Variants in SERGEF observed in about 807,000 individuals in gnomAD.
SERGEF encodes secretion-regulating guanine nucleotide exchange factor.
A neutral mutation model predicts 50.0 loss-of-function variants in SERGEF; 51 were observed. The observed-to-expected ratio is 1.02, with a 90% CI of 0.81 to 1.29. The LOEUF (loss-of-function observed/expected upper bound fraction) is 1.29. SERGEF is among the 50% of genes most tolerant of loss of function. SERGEF has a pLI of 0.00. For synonymous variants in SERGEF, 205 were observed against 212.4 expected, an observed-to-expected ratio of 0.97 and a Z score of 0.30; for missense variants, 521 against 557.0, an observed-to-expected ratio of 0.94 and a Z score of 0.65.
intron 8 of SERGEF, among the ~76,000 whole-genome samples, chr11:17,965,296 G>T (rs1265497058): frequency 2.0e-5 from 3 of 152,180 alleles, no homozygotes; most frequent in South Asian, 2.1e-4. Context: ...TGTCATGATT[G>T]TAAGTTTCCT....
intron 10 of SERGEF, among the ~76,000 whole-genome samples, chr11:17,798,926 G>A (rs1306692996): frequency 2.0e-5 from 3 of 152,230 alleles, no homozygotes; most frequent in Non-Finnish European, 4.4e-5. Context: ...GTACAAGAGT[G>A]AGGCTGTGGA....
chr11:17,960,462 G>C (rs548909599), intron 8 of SERGEF, among the ~76,000 whole-genome samples: 1 of 152,272 alleles, frequency 6.6e-6, no homozygotes, highest in South Asian at 2.1e-4. Context: ...AATCTGATGA[G>C]CCATAGATTA....
intron 8 of SERGEF, among the ~76,000 whole-genome samples, chr11:17,975,631 C>T (rs573705915): frequency 2.0e-5 from 3 of 152,224 alleles, no homozygotes; most frequent in South Asian, 2.1e-4. Flanking sequence ...TCAGCCACAG[C>T]GATGAGTAGA....
intron 9 of SERGEF, among the ~76,000 whole-genome samples, chr11:17,929,925 G>A (rs1401165): frequency 0.34 from 51,639 of 152,078 alleles, 9,707 homozygotes; most frequent in East Asian, 0.49. Flanking sequence ...CCATGTGAGC[G>A]GGGACTGCCT....
Position 17,959,480 on chromosome 11 carries a change from C to T in SERGEF, c.1001G>A (p.Gly334Glu), listed in dbSNP as rs779909675. 1.2e-6 allele frequency: 2 copies of T among 1,612,626 alleles called. No homozygotes were observed. Among genetic ancestry groups the T allele is most frequent in the Non-Finnish European group, 1.7e-6 (2 of 1,179,594 alleles). ...GAAGTCACTTCCTACCTCAGTTGCT[C>T]CAGTTAAGCAATGCGGAGACGAAGG... The part of the protein sequence containing the change: ...SMPSSPHCLT[G>E]ATEVSCGSEH... The change falls in exon 9 of 11, where the codon GGA becomes GAA. Residue 334 changes from glycine (G) to glutamate (E), a missense_variant. By Grantham distance (98) the Gly-to-Glu change is moderately conservative. Coordinates refer to ENST00000265965, the MANE Select transcript of SERGEF (RefSeq NM_012139.4).
chr11:18,010,149 GA>G, intron 1 of SERGEF: 1 of 1,175,790 alleles, frequency 8.5e-7, no homozygotes, highest in Non-Finnish European at 1.1e-6. Flanking sequence ...CCTGAATGAG[GA>G]AAGGTGATGT....
At chr11:18,001,966 C>T (rs1174901111) in intron 4 of SERGEF, 2 of 456,128 alleles carry the variant, frequency 4.4e-6, no homozygotes, top group Non-Finnish European at 8.8e-6. Context: ...AGGGCCTAAG[C>T]ACCAAATCCA....
At chr11:17,974,352 C>T (rs1853322996) in intron 8 of SERGEF, among the ~76,000 whole-genome samples, 1 of 152,148 alleles carries the variant, frequency 6.6e-6, no homozygotes, top group Non-Finnish European at 1.5e-5. Context: ...CAGTTACCAC[C>T]CAAGCTACAG....
intron 10 of SERGEF, among the ~76,000 whole-genome samples, 199 bp from the exon 11 acceptor site, chr11:17,788,612 T>C (rs573397431): frequency 5.3e-5 from 8 of 152,294 alleles, no homozygotes; most frequent in African/African-American, 1.7e-4. Flanking sequence ...CCCTGAGGCA[T>C]GCTTCCCATT....
chr11:18,000,157 C>T (rs766793317), intron 5 of SERGEF, among the ~76,000 whole-genome samples: 26 of 152,070 alleles, frequency 1.7e-4, no homozygotes, highest in Non-Finnish European at 3.2e-4. Context: ...TTTTAAAAGG[C>T]GGAGGGCAGG....
At chr11:17,974,587 A>G (rs938336015) in intron 8 of SERGEF, among the ~76,000 whole-genome samples, 1 of 152,170 alleles carries the variant, frequency 6.6e-6, no homozygotes, top group African/African-American at 2.4e-5. Context: ...AGTCTCTCAT[A>G]AAAGGGCTCA....
At chr11:17,886,287 G>A (rs2133905874) in intron 9 of SERGEF, among the ~76,000 whole-genome samples, 1 of 152,178 alleles carries the variant, frequency 6.6e-6, no homozygotes. Flanking sequence ...GAGACTATAA[G>A]CATTAGCAAC....
intron 9 of SERGEF, among the ~76,000 whole-genome samples, chr11:17,929,979 A>G (rs890034204): frequency 3.9e-5 from 6 of 152,208 alleles, no homozygotes; most frequent in African/African-American, 7.2e-5. Context: ...AGGATTCGAT[A>G]CATATTCACT....
At chr11:17,825,222 T>C (rs1193838876) in intron 10 of SERGEF, among the ~76,000 whole-genome samples, 3 of 152,236 alleles carry the variant, frequency 2.0e-5, no homozygotes, top group East Asian at 1.9e-4. Flanking sequence ...TAGGGGCTTA[T>C]AGTTTTTATT....
chr11:17,930,679 G>A (rs1417802954), intron 9 of SERGEF, among the ~76,000 whole-genome samples: 3 of 152,196 alleles, frequency 2.0e-5, no homozygotes, highest in East Asian at 3.8e-4. Context: ...AGGCAACACA[G>A]CACAACAGGA....
At chr11:17,790,285 T>A (rs144132902) in intron 10 of SERGEF, among the ~76,000 whole-genome samples, 195 of 152,376 alleles carry the variant, frequency 1.3e-3, no homozygotes, top group African/African-American at 4.3e-3. Flanking sequence ...CCTTAAATAT[T>A]GTGATCTGTT....
chr11:17,796,640 C>A (rs1849576200), intron 10 of SERGEF, among the ~76,000 whole-genome samples: 1 of 152,202 alleles, frequency 6.6e-6, no homozygotes, highest in East Asian at 1.9e-4. Flanking sequence ...AAATAAATCT[C>A]TTTTCTTTAT....
rs1031701901 is a variant in SERGEF at position 17,877,346 on chromosome 11, C to T, written c.1048+862G>A. On this transcript the variant is annotated intron_variant, in intron 10 of 10. Transcript: ENST00000265965. ...TACAGATGGGGAAACTAAAGCCTAG[C>T]GGAGGGCAATTACTTTAACATATAA... Among the ~76,000 whole-genome samples, 20 of 152,092 alleles carry T rather than the reference C, an allele frequency of 1.3e-4. 1 individual carries two copies. Among genetic ancestry groups the T allele is most frequent in the African/African-American group, 4.3e-4 (18 of 41,398 alleles).
chr11:17,819,821 A>G (rs769159007), intron 10 of SERGEF, among the ~76,000 whole-genome samples: 1 of 152,134 alleles, frequency 6.6e-6, no homozygotes, highest in Non-Finnish European at 1.5e-5. Flanking sequence ...ATGGTAAAGC[A>G]TGGCCCACTT....
Sources: allele counts gnomAD v4.1 joint callset (sites outside exome capture counted in the v4.1 genomes callset), GRCh38; gene constraint gnomAD v4.1.1; transcripts MANE v1.5; gene names NCBI Gene and HGNC (gene_info 2026-07-23, HGNC 2026-07-21).